The following THAP4 variants were observed in gnomAD, a reference collection of about 807,000 sequenced individuals.
The protein encoded by THAP4 is peroxynitrite isomerase THAP4.
THAP4 carries 18 observed loss-of-function variants against 48.1 expected under a neutral mutation model. That is an observed-to-expected ratio of 0.37 (90% CI 0.26 to 0.56). The LOEUF is 0.56. THAP4 is among the 20% of genes least tolerant of loss of function. The pLI, the probability that THAP4 is intolerant of heterozygous loss-of-function variation, is 0.78. For synonymous variants in THAP4, 345 were observed against 324.9 expected (o/e 1.06, Z -0.66); for missense variants, 656 against 774.9 (o/e 0.85, Z 1.82).
intron 1 of THAP4, among the ~76,000 whole-genome samples, chr2:241,635,498 T>C (rs1373360984): frequency 6.6e-6 from 1 of 152,230 alleles, no homozygotes. Flanking sequence ...CTTATGCCTG[T>C]AATCCCAGCA....
chr2:241,601,016 T>C lies in THAP4; in HGVS notation c.1614+880A>G, dbSNP rs1329434770. On this transcript the variant is annotated intron_variant, in intron 5 of 5. Coordinates refer to ENST00000407315, the MANE Select transcript of THAP4 (RefSeq NM_015963.6). This position sits in a 1 kb window ranked among gnomAD's most constrained non-coding sequence, Gnocchi z 4.0. ...CAATCTGGCCGGGCACGGTTGTTCA[T>C]ACCTGTAATCCCAGCACTTTGGGAG... is the stretch of plus-strand genomic sequence containing the variant. Among the ~76,000 whole-genome samples, 2 of 151,140 alleles carry C rather than the reference T, an allele frequency of 1.3e-5. No homozygotes were observed. Among genetic ancestry groups the C allele is most frequent in the Non-Finnish European group, 2.9e-5 (2 of 67,826 alleles).
At chr2:241,603,577 A>T (rs1187466416) in intron 3 of THAP4, among the ~76,000 whole-genome samples, 3 of 151,710 alleles carry the variant, frequency 2.0e-5, no homozygotes, top group Non-Finnish European at 4.4e-5. Context: ...TGAAGACAGC[A>T]CTGTTCTTAA....
intron 5 of THAP4, among the ~76,000 whole-genome samples, chr2:241,587,193 G>A (rs1318525738): frequency 6.6e-6 from 1 of 152,058 alleles, no homozygotes; most frequent in Non-Finnish European, 1.5e-5. Context: ...ACCAGGTGAG[G>A]AAGATCTACC....
At chr2:241,592,770 C>CT (rs2067001662) in intron 5 of THAP4, among the ~76,000 whole-genome samples, 2 of 152,236 alleles carry the variant, frequency 1.3e-5, no homozygotes, top group African/African-American at 2.4e-5. Context: ...GACACCGTGT[C>CT]TGACGCTATG....
At chr2:241,585,386 G>A (rs2066881204) in intron 5 of THAP4, among the ~76,000 whole-genome samples, 1 of 150,568 alleles carries the variant, frequency 6.6e-6, no homozygotes, top group African/African-American at 2.5e-5. Flanking sequence ...TGCCCCAGAT[G>A]TGTGGGGGGT....
intron 5 of THAP4, among the ~76,000 whole-genome samples, chr2:241,596,665 G>A (rs2067052465): frequency 6.6e-6 from 1 of 151,374 alleles, no homozygotes; most frequent in South Asian, 2.1e-4. Flanking sequence ...AATTAGCCTG[G>A]CGTGGTGGCG....
At position 241,636,857 on chromosome 2, in the gene THAP4, C is replaced by A. The variant is rs1396241570; in HGVS notation, c.77+84G>T. 4.8e-6 allele frequency: 4 copies of A among 833,250 alleles called. No homozygotes were observed. The South Asian group carries it at 2.1e-4, about 44-fold the overall frequency. 51.6% of individuals were successfully genotyped at this position (833,250 alleles called of 1,614,324 possible). A position where few individuals can be genotyped will look rare whatever the true frequency, so the allele number is the denominator to read the frequency against. On this transcript the variant is annotated intron_variant, in intron 1 of 5. Transcript: ENST00000407315. ...CCGCCGAGGCCCGGCGCCCCCGCCC[C>A]CCGCGTTCGGGCCGGCCGCGGGGCC... is the stretch of plus-strand genomic sequence containing the variant.
At chr2:241,627,683 C>G (rs2125096201) in intron 2 of THAP4, among the ~76,000 whole-genome samples, 1 of 152,324 alleles carries the variant, frequency 6.6e-6, no homozygotes, top group Non-Finnish European at 1.5e-5. Context: ...CACTGAAGAA[C>G]AAATCCACAC....
intron 5 of THAP4, among the ~76,000 whole-genome samples, chr2:241,597,693 T>C (rs936423275): frequency 8.5e-5 from 13 of 152,206 alleles, no homozygotes; most frequent in African/African-American, 2.7e-4. Flanking sequence ...CCCTGCCTTC[T>C]GTGTGTGCTT....
intron 5 of THAP4, chr2:241,591,801 C>T (rs531067417): frequency 2.6e-5 from 4 of 152,288 alleles, no homozygotes; most frequent in Admixed American, 2.6e-4. Flanking sequence ...CATATTTTGA[C>T]CTGTTAGTGA....
rs1184953385 is a variant in THAP4, at chr2:241,617,483, A to T, written c.1241-11010T>A. Reference sequence around the variant, plus strand: ...AGGTTGTTTTCTGCCAATTGACGGGAAATGTTTGCACCTGGCTCTTAATGG... The same window carrying T: ...AGGTTGTTTTCTGCCAATTGACGGGTAATGTTTGCACCTGGCTCTTAATGG... On this transcript the variant is annotated intron_variant, in intron 2 of 5. Transcript: ENST00000407315. 3.9e-6 allele frequency: 6 copies of T among 1,548,302 alleles called. No individual in the cohort carries two copies. In the Admixed American group the frequency reaches 1.2e-4, roughly 31 times the overall value.
intron 5 of THAP4, among the ~76,000 whole-genome samples, chr2:241,594,962 C>T (rs924297896): frequency 6.6e-5 from 10 of 152,124 alleles, no homozygotes; most frequent in African/African-American, 9.7e-5. Flanking sequence ...TGTGAACATA[C>T]TAAAAACCAC....
intron 5 of THAP4, among the ~76,000 whole-genome samples, chr2:241,599,528 A>T (rs2125074425): frequency 6.6e-6 from 1 of 152,296 alleles, no homozygotes; most frequent in East Asian, 1.9e-4. Flanking sequence ...AAGCAACAAA[A>T]ATGATAAAAC....
intron 2 of THAP4, among the ~76,000 whole-genome samples, chr2:241,617,986 C>T (rs1640457207): frequency 1.3e-5 from 2 of 152,238 alleles, no homozygotes; most frequent in African/African-American, 4.8e-5. Context: ...GGAGCTCCCA[C>T]CCTCACATCT....
At position 241,601,354 on chromosome 2, in the gene THAP4, G is replaced by C. The variant is rs547029036; in HGVS notation, c.1614+542C>G. On this transcript the variant is annotated intron_variant, in intron 5 of 5. Transcript: ENST00000407315. The surrounding 1 kb of genome is among the most constrained non-coding windows in gnomAD (Gnocchi z 4.0). ...ACAGAATAAGAAGCGTAAACAGCCA[G>C]TGAGCATGGGGAATGAGCCCTCCTG... Among the ~76,000 whole-genome samples, 1 of 152,314 alleles carries C rather than the reference G, an allele frequency of 6.6e-6. No homozygotes were observed. Among genetic ancestry groups the C allele is most frequent in the African/African-American group, 2.4e-5 (1 of 41,576 alleles).
At chr2:241,622,477 G>A (rs1259771153) in intron 2 of THAP4, among the ~76,000 whole-genome samples, 1 of 152,078 alleles carries the variant, frequency 6.6e-6, no homozygotes, top group African/African-American at 2.4e-5. Flanking sequence ...CAGGGAGAAG[G>A]AATATGATAT....
chr2:241,599,957 C>G lies in THAP4; in HGVS notation c.1614+1939G>C, dbSNP rs1421887500. On this transcript the variant is annotated intron_variant, in intron 5 of 5. Coordinates refer to ENST00000407315, the MANE Select transcript of THAP4 (RefSeq NM_015963.6). The stretch of plus-strand genomic sequence containing the variant: ...GGGCACAGTGGCTCATGCCTGTAAT[C>G]CCAGCACTTGGGAGGCTGAGGCAGG... Among the ~76,000 whole-genome samples, 4 of 152,296 alleles carry G rather than the reference C, an allele frequency of 2.6e-5. No homozygotes were observed. In the East Asian group the frequency reaches 7.7e-4, roughly 29 times the overall value.
chr2:241,610,839 C>G lies in THAP4; in HGVS notation c.1241-4366G>C, dbSNP rs940910423. 5.3e-5 allele frequency among the ~76,000 whole-genome samples: 8 copies of G among 151,810 alleles called. No homozygotes were observed. The highest frequency in any genetic ancestry group is 1.9e-4 in the African/African-American group (8 of 41,304). Reference sequence around the variant, plus strand: ...CGGGACGGGGACAGAGACACAGAGACAGAGAGACAGGGCCAGAGAGACACG... The same window carrying G: ...CGGGACGGGGACAGAGACACAGAGAGAGAGAGACAGGGCCAGAGAGACACG... On this transcript the variant is annotated intron_variant, in intron 2 of 5. Coordinates refer to ENST00000407315, the MANE Select transcript of THAP4 (RefSeq NM_015963.6). This position sits in a 1 kb window ranked among gnomAD's most constrained non-coding sequence, Gnocchi z 4.2.
Position 241,612,532 on chromosome 2 carries a change from G to A in THAP4, c.1241-6059C>T, listed in dbSNP as rs2067290065. On this transcript the variant is annotated intron_variant, in intron 2 of 5. Transcript: ENST00000407315. This position sits in a 1 kb window ranked among gnomAD's most constrained non-coding sequence, Gnocchi z 4.1. ...CAAAGTGGAAACAACACAGATGTCC[G>A]TCAACCAATGAGTAAACAAACTGCA... Among the ~76,000 whole-genome samples, 3 of 152,232 alleles carry A rather than the reference G, an allele frequency of 2.0e-5. No homozygotes were observed. The highest frequency in any genetic ancestry group is 1.3e-4 in the Admixed American group (2 of 15,280).
Sources: allele counts gnomAD v4.1 joint callset (sites outside exome capture counted in the v4.1 genomes callset), GRCh38; gene constraint gnomAD v4.1.1; non-coding constraint Gnocchi (gnomAD v3.1); transcripts MANE v1.5; gene names NCBI Gene and HGNC (gene_info 2026-07-23, HGNC 2026-07-21).